Variants in BRIP1 observed in about 807,000 individuals in gnomAD.
BRIP1 encodes the protein Fanconi anemia group J protein.
A neutral mutation model predicts 119.7 loss-of-function variants in BRIP1; 88 were observed. That is an observed-to-expected ratio of 0.74 (90% CI 0.62 to 0.88). BRIP1 has a LOEUF of 0.88. Among genes scored for constraint, BRIP1 ranks in the 40% least tolerant of loss-of-function variants. The pLI, the probability that BRIP1 is intolerant of heterozygous loss-of-function variation, is 0.00. For synonymous variants in BRIP1, 443 were observed against 496.5 expected (o/e 0.89, Z 1.43); for missense variants, 1,259 against 1,455.4 (o/e 0.87, Z 2.20).
rs942496161 is a variant in BRIP1 at position 61,796,392 on chromosome 17, T to C, written c.1341-2663A>G. On this transcript the variant is annotated intron_variant, in intron 9 of 19. Transcript: ENST00000259008. This position sits in a 1 kb window ranked among gnomAD's most constrained non-coding sequence, Gnocchi z 4.8. ...GTAGTAGTTTCATAGTTTGAGGTTG[T>C]AGATTTAAGTCTTTAATCTATTTTG... 2.0e-5 allele frequency among the ~76,000 whole-genome samples: 3 copies of C among 152,176 alleles called. No homozygotes were observed. Among genetic ancestry groups the C allele is most frequent in the African/African-American group, 7.2e-5 (3 of 41,456 alleles).
chr17:61,731,992 T>C (rs1402236568), intron 16 of BRIP1, among the ~76,000 whole-genome samples: 7 of 138,782 alleles, frequency 5.0e-5, no homozygotes, highest in African/African-American at 1.6e-4. Context: ...TTTTTTTTTT[T>C]TTTTTTTTTT....
In BRIP1 at chr17:61,693,285, T is replaced by C. The variant is rs2061474487; in HGVS notation, c.2575+145A>G. On this transcript the variant is annotated intron_variant, in intron 18 of 19. Transcript: ENST00000259008. This position sits in a 1 kb window ranked among gnomAD's most constrained non-coding sequence, Gnocchi z 4.2. Reference sequence around the variant, plus strand: ...ATGTAAGATTTAAAAGTTCTAGATATCTGCTGTGAAATACTGTGCTTATAG... The same window carrying C: ...ATGTAAGATTTAAAAGTTCTAGATACCTGCTGTGAAATACTGTGCTTATAG... The C allele has an allele frequency of 1.3e-6, 1 of 753,418 alleles. No individual in the cohort carries two copies. 46.7% of individuals were successfully genotyped at this position (753,418 alleles called of 1,614,324 possible).
intron 10 of BRIP1, among the ~76,000 whole-genome samples, 157 bp from the exon 11 acceptor site, chr17:61,784,581 T>G (rs1345121451): frequency 2.6e-5 from 4 of 152,192 alleles, no homozygotes; most frequent in African/African-American, 9.7e-5. Flanking sequence ...AATCTGATAT[T>G]GAAATTTCAT....
chr17:61,750,708 TAAAAA>T (rs71150637), intron 14 of BRIP1, among the ~76,000 whole-genome samples: 1 of 146,332 alleles, frequency 6.8e-6, no homozygotes. Flanking sequence ...CTTGAATGAT[TAAAAA>T]AAAAAAAAAG....
Position 61,699,553 on chromosome 17 carries a change from G to A in BRIP1, c.2493-6041C>T, listed in dbSNP as rs774717223. ...AATAGTACAAAAAAATGGTCCTTCT[G>A]TTCCCTCATCTGTCACCTTTGGGTT... On this transcript the variant is annotated intron_variant, in intron 17 of 19. Coordinates refer to ENST00000259008, the MANE Select transcript of BRIP1 (RefSeq NM_032043.3). The surrounding 1 kb of genome is among the most constrained non-coding windows in gnomAD (Gnocchi z 4.8). Among the ~76,000 whole-genome samples, 10 of 152,124 alleles carry A rather than the reference G, an allele frequency of 6.6e-5. No homozygotes were observed. Among genetic ancestry groups the A allele is most frequent in the Admixed American group, 5.9e-4 (9 of 15,274 alleles).
chr17:61,850,105 T>TC (rs572751788), intron 4 of BRIP1, among the ~76,000 whole-genome samples: 1,412 of 55,236 alleles, frequency 0.026, 9 homozygotes, highest in Middle Eastern at 0.12. Context: ...TTTAACCATC[T>TC]TTTTTTTTTT....
Position 61,808,556 on chromosome 17 carries a change from A to C in BRIP1, c.829T>G (p.Ser277Ala). Residue 277 changes from serine to alanine, a missense_variant, in exon 7 of 20, where the codon TCC becomes GCC. Physicochemically the swap from Ser to Ala is moderately conservative, Grantham distance 99. Around this residue, in one of 3 missense-constraint regions of BRIP1, gnomAD observed 501 missense variants for 544.0 expected, o/e 0.92. Transcript: ENST00000259008. This position sits in a 1 kb window ranked among gnomAD's most constrained non-coding sequence, Gnocchi z 4.1. ...AYSGVPMTIL[S>A]SRDHTCVHPE... ...TGGACACAAGTATGATCCCTGCTGG[A>C]AAGAATAGTCATTGGAACCCCTGAA... 1 of 1,613,644 alleles carries C rather than the reference A, an allele frequency of 6.2e-7. No homozygotes were observed. The highest frequency in any genetic ancestry group is 8.5e-7 in the Non-Finnish European group (1 of 1,179,584).
chr17:61,766,256 G>C (rs2077372038), intron 14 of BRIP1, among the ~76,000 whole-genome samples: 1 of 152,098 alleles, frequency 6.6e-6, no homozygotes, highest in Admixed American at 6.6e-5. Context: ...TATGTGCCCA[G>C]TAAATGTTTG....
Position 61,823,765 on chromosome 17 carries a change from C to A in BRIP1, c.628-15008G>T, listed in dbSNP as rs902040099. On this transcript the variant is annotated intron_variant, in intron 6 of 19. Coordinates refer to ENST00000259008, the MANE Select transcript of BRIP1 (RefSeq NM_032043.3). This position sits in a 1 kb window ranked among gnomAD's most constrained non-coding sequence, Gnocchi z 4.8. ...ACCCCAAGCACACAATAAACACACA[C>A]ACACACACACACACACACACACACA... Among the ~76,000 whole-genome samples, 11 of 90,970 alleles carry A rather than the reference C, an allele frequency of 1.2e-4. No homozygotes were observed. The highest frequency in any genetic ancestry group is 2.7e-4 in the Non-Finnish European group (10 of 37,270). 59.7% of individuals were successfully genotyped at this position (90,970 alleles called of 152,430 possible). A position where few individuals can be genotyped will look rare whatever the true frequency, so the allele number is the denominator to read the frequency against.
intron 13 of BRIP1, among the ~76,000 whole-genome samples, chr17:61,779,345 G>A (rs190895810): frequency 6.6e-6 from 1 of 152,338 alleles, no homozygotes; most frequent in Non-Finnish European, 1.5e-5. Context: ...AGGAGGCTGA[G>A]GCAGGTGGAC....
chr17:61,784,289 GAT>G lies in BRIP1; in HGVS notation c.1607_1608del (p.Tyr536SerfsTer3). On this transcript the variant is annotated frameshift_variant, in exon 11 of 20. Transcript: ENST00000259008. LOFTEE classifies it high-confidence loss of function. Reference sequence around the variant, plus strand: ...ACTTACCTGCTATTTTGCCTAAAAAGATAGTCAAGTACCATAAAAAGTCCTTT... The same window carrying G: ...ACTTACCTGCTATTTTGCCTAAAAAGAGTCAAGTACCATAAAAAGTCCTTT... ...MLKGLFMVLD[Y>X]LFRQNSRFAD... The G allele has an allele frequency of 1.2e-6, 2 of 1,612,894 alleles. No homozygotes were observed. The highest frequency in any genetic ancestry group is 1.7e-6 in the Non-Finnish European group (2 of 1,179,312).
rs1390072370 is a variant in BRIP1 at position 61,689,439 on chromosome 17, C to T, written c.2576-3274G>A. Among the ~76,000 whole-genome samples, 2 of 151,918 alleles carry T rather than the reference C, an allele frequency of 1.3e-5. No individual in the cohort carries two copies. Among genetic ancestry groups the T allele is most frequent in the Admixed American group, 6.6e-5 (1 of 15,248 alleles). On this transcript the variant is annotated intron_variant, in intron 18 of 19. Transcript: ENST00000259008. The surrounding 1 kb of genome is among the most constrained non-coding windows in gnomAD (Gnocchi z 4.5). Reference sequence around the variant, plus strand: ...ATTTATGACTTGACTTATGGGGCACCGTCAAGCTGACCAATATACACATTC... The same window carrying T: ...ATTTATGACTTGACTTATGGGGCACTGTCAAGCTGACCAATATACACATTC...
In BRIP1 at chr17:61,773,036, T is replaced by C. The variant is rs34407358; in HGVS notation, c.2097+3365A>G. On this transcript the variant is annotated intron_variant, in intron 14 of 19. Coordinates refer to ENST00000259008, the MANE Select transcript of BRIP1 (RefSeq NM_032043.3). The stretch of plus-strand genomic sequence containing the variant: ...TAATTATGTATAAGAATTATTTTGA[T>C]AAATTAAGATATTTAAAGCTAAAAA... Among the ~76,000 whole-genome samples the C allele has an allele frequency of 5.6e-3, 844 of 151,988 alleles. 3 individuals carry two copies. Among genetic ancestry groups the C allele is most frequent in the Middle Eastern group, 0.034 (10 of 294 alleles).
At chr17:61,855,791 T>C (rs2078888425) in intron 4 of BRIP1, among the ~76,000 whole-genome samples, 1 of 152,118 alleles carries the variant, frequency 6.6e-6, no homozygotes, top group South Asian at 2.1e-4. Flanking sequence ...AGGGATACAA[T>C]GGTAAGCAAA....
At chr17:61,702,245 T>C (rs889218031) in intron 17 of BRIP1, among the ~76,000 whole-genome samples, 7 of 151,240 alleles carry the variant, frequency 4.6e-5, no homozygotes, top group Admixed American at 3.3e-4. Flanking sequence ...TATTGATCTA[T>C]AGTTGTTGTT....
At chr17:61,792,337 T>C (rs2077831240) in intron 10 of BRIP1, among the ~76,000 whole-genome samples, 1 of 152,278 alleles carries the variant, frequency 6.6e-6, no homozygotes, top group East Asian at 1.9e-4. Flanking sequence ...CCTAAGTAAA[T>C]ATCCAAATGA....
chr17:61,799,090 ATCT>A lies in BRIP1; in HGVS notation c.1340+7_1340+9del, dbSNP rs1413352933. The A allele has an allele frequency of 3.1e-6, 5 of 1,607,386 alleles. No individual in the cohort carries two copies. Among genetic ancestry groups the A allele is most frequent in the Middle Eastern group, 1.7e-4 (1 of 6,050 alleles). ...GCAGCACAAATACACTAATAGACAA[ATCT>A]TCTTACTTAATGAGGCTACAGCACA... is the stretch of plus-strand genomic sequence containing the variant. On this transcript the variant is annotated splice_region_variant and intron_variant, in intron 9 of 19. Transcript: ENST00000259008. This position sits in a 1 kb window ranked among gnomAD's most constrained non-coding sequence, Gnocchi z 5.1.
At position 61,860,134 on chromosome 17, in the gene BRIP1, G is replaced by A. The variant is rs1238885082; in HGVS notation, c.94-227C>T. ...AGCACAAGAGAAGAAATGAAAAGAGGAATCTGTGCCAGAATTATGCAAGCA... is the reference window on the plus strand; with the variant it reads ...AGCACAAGAGAAGAAATGAAAAGAGAAATCTGTGCCAGAATTATGCAAGCA... On this transcript the variant is annotated intron_variant, in intron 2 of 19. Transcript: ENST00000259008. This position sits in a 1 kb window ranked among gnomAD's most constrained non-coding sequence, Gnocchi z 4.1. 6.6e-6 allele frequency among the ~76,000 whole-genome samples: 1 copy of A among 152,040 alleles called. No individual in the cohort carries two copies. The highest frequency in any genetic ancestry group is 1.5e-5 in the Non-Finnish European group (1 of 68,014).
At chr17:61,688,602 G>T (rs1312234932) in intron 18 of BRIP1, among the ~76,000 whole-genome samples, 1 of 152,162 alleles carries the variant, frequency 6.6e-6, no homozygotes, top group Non-Finnish European at 1.5e-5. Context: ...ATGAGTGAAG[G>T]TCTTTCCCTG....
Sources: allele counts gnomAD v4.1 joint callset (sites outside exome capture counted in the v4.1 genomes callset), GRCh38; gene constraint gnomAD v4.1.1; regional missense constraint gnomAD v4.1.1; non-coding constraint Gnocchi (gnomAD v3.1); transcripts MANE v1.5; gene names NCBI Gene and HGNC (gene_info 2026-07-23, HGNC 2026-07-21).